The following TENM2 variants were observed in gnomAD, a reference collection of about 807,000 sequenced individuals.
TENM2 encodes the protein teneurin transmembrane protein 2, also known as teneurin-2.
In TENM2, 52 loss-of-function variants were observed where a neutral mutation model predicts 245.2. The ratio of observed to expected loss-of-function variants is 0.21; its 90% CI spans 0.17 to 0.27. The LOEUF (loss-of-function observed/expected upper bound fraction) is 0.27, where lower values mean the gene tolerates loss of function less well. Among genes scored for constraint, TENM2 ranks in the 10% least tolerant of loss-of-function variants. TENM2 has a pLI of 1.00. For synonymous variants in TENM2, 1,363 were observed against 1,438.9 expected (o/e 0.95, Z 1.19); for missense variants, 3,046 against 3,666.8 (o/e 0.83, Z 4.37).
Position 167,728,033 on chromosome 5 carries a change from A to T in TENM2, c.503-147953A>T, listed in dbSNP as rs77621085. Among the ~76,000 whole-genome samples, 29 of 152,310 alleles carry T rather than the reference A, an allele frequency of 1.9e-4. No individual in the cohort carries two copies. In the East Asian group the frequency reaches 5.6e-3, roughly 29 times the overall value. On this transcript the variant is annotated intron_variant, in intron 2 of 28. Coordinates refer to ENST00000518659, the Ensembl canonical transcript of TENM2. Reference sequence around the variant, plus strand: ...TGTCAACAATCTGGCCCCAAGTAACATGCCAGGTAACAGTTTCAAGCCTGG... The same window carrying T: ...TGTCAACAATCTGGCCCCAAGTAACTTGCCAGGTAACAGTTTCAAGCCTGG...
At chr5:168,065,553 C>G (rs17051818) in intron 7 of TENM2, among the ~76,000 whole-genome samples, 14,166 of 152,072 alleles carry the variant, frequency 0.093, 754 homozygotes, top group East Asian at 0.19. Context: ...TATGAGTGTT[C>G]TATTATACTT....
At chr5:167,761,871 G>A (rs1762695599) in intron 2 of TENM2, among the ~76,000 whole-genome samples, 1 of 152,184 alleles carries the variant, frequency 6.6e-6, no homozygotes, top group Non-Finnish European at 1.5e-5. Context: ...GCCAGAGATA[G>A]AAGCACAGAG....
At chr5:167,540,132 A>G (rs1772108130) in intron 2 of TENM2, among the ~76,000 whole-genome samples, 1 of 152,224 alleles carries the variant, frequency 6.6e-6, no homozygotes, top group African/African-American at 2.4e-5. Context: ...TCAAGCAACA[A>G]GGAAGCAAGG....
the TENM2 span, among the ~76,000 whole-genome samples, chr5:167,065,750 A>G: frequency 6.6e-6 from 1 of 152,186 alleles, no homozygotes; most frequent in Non-Finnish European, 1.5e-5. Flanking sequence ...TTTAAAGGTG[A>G]TCCAGAAGTG....
chr5:167,787,067 A>G (rs987795090), intron 2 of TENM2, among the ~76,000 whole-genome samples: 3 of 152,200 alleles, frequency 2.0e-5, no homozygotes, highest in Non-Finnish European at 4.4e-5. Context: ...CAAAGCAGAG[A>G]TGATTATCCC....
chr5:167,354,212 T>A (rs13186421), intron 1 of TENM2, among the ~76,000 whole-genome samples: 32,475 of 152,154 alleles, frequency 0.21, 3,654 homozygotes, highest in Non-Finnish European at 0.25. Context: ...GTCAGTGTCC[T>A]TATGGTGTCA....
intron 2 of TENM2, among the ~76,000 whole-genome samples, chr5:167,832,975 C>T (rs145535310): frequency 5.3e-5 from 8 of 152,208 alleles, no homozygotes; most frequent in African/African-American, 1.7e-4. Flanking sequence ...CATCACTGGA[C>T]ACCCACAAAA....
intron 1 of TENM2, chr5:167,287,910 A>C (rs552086666): frequency 7.2e-5 from 11 of 152,200 alleles, no homozygotes; most frequent in Non-Finnish European, 1.6e-4. Flanking sequence ...ACTAAATAGC[A>C]TCCTAGTGGT....
At chr5:167,685,234 A>G in intron 2 of TENM2, among the ~76,000 whole-genome samples, 1 of 152,230 alleles carries the variant, frequency 6.6e-6, no homozygotes. Context: ...TCATCTGTGA[A>G]CATTAAAAGT....
intron 13 of TENM2, among the ~76,000 whole-genome samples, chr5:168,176,789 T>C (rs76367430): frequency 0.068 from 10,417 of 152,332 alleles, 457 homozygotes; most frequent in Middle Eastern, 0.14. Context: ...TTGTCTTTTA[T>C]TCAATAGATG....
chr5:167,356,732 A>G (rs1232770514), intron 1 of TENM2, among the ~76,000 whole-genome samples: 1 of 152,208 alleles, frequency 6.6e-6, no homozygotes, highest in Non-Finnish European at 1.5e-5. Context: ...GTTTTGATTC[A>G]GAGTGATTTT....
chr5:167,854,749 C>T (rs1770912439), intron 2 of TENM2, among the ~76,000 whole-genome samples: 1 of 152,080 alleles, frequency 6.6e-6, no homozygotes, highest in Non-Finnish European at 1.5e-5. Context: ...GGAAGGATGC[C>T]CCTTTAAATA....
At chr5:167,505,222 T>C (rs1262714185) in intron 2 of TENM2, among the ~76,000 whole-genome samples, 2 of 152,208 alleles carry the variant, frequency 1.3e-5, no homozygotes, top group Non-Finnish European at 1.5e-5. Flanking sequence ...CAAACCGATG[T>C]TATCATTTTC....
At chr5:168,261,914 C>T in intron 28 of TENM2, 135 bp from the exon 31 acceptor site, 1 of 804,572 alleles carries the variant, frequency 1.2e-6, no homozygotes, top group East Asian at 2.7e-5. Flanking sequence ...AAAGGTAGGA[C>T]TCCCAACAGC....
intron 2 of TENM2, among the ~76,000 whole-genome samples, chr5:167,645,572 G>C (rs1303282159): frequency 1.4e-5 from 2 of 146,886 alleles, no homozygotes; most frequent in East Asian, 2.0e-4. Context: ...CAGAGAATTT[G>C]TTCTTTCTAG....
rs182572482 is a variant in TENM2 at position 167,916,629 on chromosome 5, G to C, written c.713-35959G>C. Among the ~76,000 whole-genome samples the C allele has an allele frequency of 2.5e-4, 38 of 152,190 alleles. No individual in the cohort carries two copies. The East Asian group carries it at 7.0e-3, about 28-fold the overall frequency. On this transcript the variant is annotated intron_variant, in intron 3 of 28. Coordinates refer to ENST00000518659, the Ensembl canonical transcript of TENM2. ...CCTCCCTTCTCCCCCAGCCTTTGCCGAGAAGCGCATCTCCAGGAGTAGAGT... is the reference window on the plus strand; with the variant it reads ...CCTCCCTTCTCCCCCAGCCTTTGCCCAGAAGCGCATCTCCAGGAGTAGAGT...
chr5:167,771,617 C>T (rs1291551498), intron 2 of TENM2, among the ~76,000 whole-genome samples: 1 of 152,174 alleles, frequency 6.6e-6, no homozygotes, highest in Non-Finnish European at 1.5e-5. Context: ...CAGTTAACAT[C>T]TCAATTCATA....
intron 3 of TENM2, among the ~76,000 whole-genome samples, chr5:167,897,817 G>C (rs951948039): frequency 1.1e-4 from 16 of 151,770 alleles, no homozygotes; most frequent in Non-Finnish European, 2.2e-4. Context: ...TAGGTAGGAT[G>C]GTATGGAGAG....
the TENM2 span, among the ~76,000 whole-genome samples, chr5:167,196,482 G>A: frequency 1.4e-5 from 2 of 141,366 alleles, no homozygotes; most frequent in African/African-American, 6.1e-5. Context: ...ATATATATAT[G>A]TGTGTATATA....
Sources: gnomAD v4.1 joint callset for allele counts (sites outside exome capture counted in the v4.1 genomes callset) on GRCh38, gnomAD v4.1.1 for gene constraint, MANE v1.5 for transcripts, NCBI Gene and HGNC (gene_info 2026-07-23, HGNC 2026-07-21) for gene names.